PTPRG: variants seen among roughly 807,000 people sequenced by gnomAD.
PTPRG encodes the protein receptor-type tyrosine-protein phosphatase gamma.
In PTPRG, 102 loss-of-function variants were observed where a neutral mutation model predicts 165.3. That is an observed-to-expected ratio of 0.62 (90% CI 0.53 to 0.73). The LOEUF (loss-of-function observed/expected upper bound fraction) is 0.73, where lower values mean the gene tolerates loss of function less well. Ranked by LOEUF, PTPRG falls within the 30% of genes least tolerant of loss-of-function variation. The probability of loss-of-function intolerance (pLI) is 0.00; values close to 1 mark genes in which losing one functional copy is unlikely to be tolerated. For synonymous variants in PTPRG, 675 were observed against 669.5 expected (o/e 1.01, Z -0.13); for missense variants, 1,866 against 1,861.4 (o/e 1.00, Z -0.05).
intron 5 of PTPRG, among the ~76,000 whole-genome samples, chr3:62,118,916 T>C (rs1702960140): frequency 6.6e-6 from 1 of 152,236 alleles, no homozygotes; most frequent in African/African-American, 2.4e-5. Flanking sequence ...TAAAGTCTTC[T>C]TTTAGCTTCA....
chr3:62,020,311 A>T (rs948255290), intron 4 of PTPRG, among the ~76,000 whole-genome samples: 6 of 152,126 alleles, frequency 3.9e-5, no homozygotes, highest in Non-Finnish European at 7.4e-5. Flanking sequence ...AACACACTTT[A>T]CTTTAAATTC....
At chr3:61,680,281 G>A (rs552534425) in intron 1 of PTPRG, among the ~76,000 whole-genome samples, 2 of 152,100 alleles carry the variant, frequency 1.3e-5, no homozygotes, top group African/African-American at 2.4e-5. Flanking sequence ...GATGGCTGGC[G>A]GTAAGGAAAG....
At chr3:61,974,593 CTG>C (rs756783946) in intron 2 of PTPRG, among the ~76,000 whole-genome samples, 2 of 152,222 alleles carry the variant, frequency 1.3e-5, no homozygotes, top group East Asian at 1.9e-4. Context: ...TTATGGAACA[CTG>C]TGCCTTTTCG....
chr3:61,941,845 AT>A (rs532873967), intron 2 of PTPRG, among the ~76,000 whole-genome samples: 72 of 148,654 alleles, frequency 4.8e-4, no homozygotes, highest in East Asian at 9.9e-4. Flanking sequence ...GTAAGAATAG[AT>A]TTTTTTTTTT....
chr3:62,192,941 T>C (rs1207478721), intron 9 of PTPRG, among the ~76,000 whole-genome samples: 1 of 152,228 alleles, frequency 6.6e-6, no homozygotes, highest in African/African-American at 2.4e-5. Flanking sequence ...AATAATACTT[T>C]TCATATTTCT....
At chr3:61,962,401 G>C (rs2040173977) in intron 2 of PTPRG, among the ~76,000 whole-genome samples, 1 of 152,164 alleles carries the variant, frequency 6.6e-6, no homozygotes, top group Non-Finnish European at 1.5e-5. Flanking sequence ...TGGCTTGAGG[G>C]AACATGTTTA....
chr3:61,857,160 A>G (rs6787399), intron 2 of PTPRG, among the ~76,000 whole-genome samples: 17,588 of 151,942 alleles, frequency 0.12, 1,692 homozygotes, highest in African/African-American at 0.26. Flanking sequence ...GAGGTAACCA[A>G]TGCCTCATCA....
chr3:62,270,294 C>T (rs1702018352), intron 20 of PTPRG, among the ~76,000 whole-genome samples: 1 of 152,006 alleles, frequency 6.6e-6, no homozygotes, highest in Non-Finnish European at 1.5e-5. Flanking sequence ...TGTAAAATTT[C>T]AGTGGCTCCA....
At chr3:62,072,872 G>C (rs1004067787) in intron 4 of PTPRG, among the ~76,000 whole-genome samples, 1 of 152,024 alleles carries the variant, frequency 6.6e-6, no homozygotes, top group Non-Finnish European at 1.5e-5. Flanking sequence ...CTAAGTCTTC[G>C]AATAACCTTT....
At position 62,277,580 on chromosome 3, in the gene PTPRG, A is replaced by G. The variant is rs1482316642; in HGVS notation, c.3666A>G (p.Ile1222Met). 2 of 1,611,992 alleles carry G rather than the reference A, an allele frequency of 1.2e-6. No homozygotes were observed. Among genetic ancestry groups the G allele is most frequent in the Admixed American group, 3.3e-5 (2 of 59,886 alleles). ...ATTATAGGAGCAATGAATTTATTAT[A>G]ACTCAGCATCCTCTGCCACATACTA... ...MGYYRSNEFI[I>M]TQHPLPHTTK... The change falls in exon 26 of 30, where the codon ATA (isoleucine) becomes ATG (methionine). Residue 1222 changes from isoleucine (I) to methionine (M), a missense_variant. This residue lies in a region of PTPRG where 1,452 missense variants were observed against 1,463.0 expected (regional missense o/e 0.99). Coordinates refer to ENST00000474889, the MANE Select transcript of PTPRG (RefSeq NM_002841.4).
intron 2 of PTPRG, among the ~76,000 whole-genome samples, chr3:61,784,846 G>A (rs1310513702): frequency 6.6e-6 from 1 of 152,118 alleles, no homozygotes; most frequent in Non-Finnish European, 1.5e-5. Context: ...CTCTCCGTCT[G>A]TAATTTCTGT....
At chr3:62,178,247 A>G (rs943773864) in intron 8 of PTPRG, among the ~76,000 whole-genome samples, 1 of 152,078 alleles carries the variant, frequency 6.6e-6, no homozygotes, top group Non-Finnish European at 1.5e-5. Flanking sequence ...GCATGGATCC[A>G]TGGATGTATG....
In PTPRG at chr3:62,267,480, A is replaced by G. The variant is rs1559731552; in HGVS notation, c.2727A>G (p.Ala909=). ...KDSKHSDYIN[A]NYVDGYNKAK... ...CTAAGCACAGCGACTACATTAATGC[A>G]AACTATGTTGATGTAAGTCAGAACT... Residue 909 remains alanine (A), a synonymous_variant, in exon 18 of 30, where the codon GCA becomes GCG. Transcript: ENST00000474889. 6.2e-7 allele frequency: 1 copy of G among 1,610,192 alleles called. No homozygotes were observed. The highest frequency in any genetic ancestry group is 1.7e-5 in the Admixed American group (1 of 59,860).
chr3:62,203,383 C>G lies in PTPRG; in HGVS notation c.1588C>G (p.Pro530Ala). The stretch of plus-strand genomic sequence containing the variant: ...CGGCGGTGGTGGCATCTCCTCTTTC[C>G]CCAGCACTGTGTGGCCCACGCGCCT... Reference protein sequence around the residue: ...GFGGGGISSFPSTVWPTRLPT... With the variant: ...GFGGGGISSFASTVWPTRLPT... The change falls in exon 12 of 30, where the codon CCC becomes GCC. Residue 530 changes from proline (P) to alanine (A), a missense_variant. By Grantham distance (27) the Pro-to-Ala change is conservative. This residue lies in a region of PTPRG where 1,452 missense variants were observed against 1,463.0 expected (regional missense o/e 0.99). Coordinates refer to ENST00000474889, the MANE Select transcript of PTPRG (RefSeq NM_002841.4). This position sits in a 1 kb window ranked among gnomAD's most constrained non-coding sequence, Gnocchi z 6.4. 5 of 1,613,550 alleles carry G rather than the reference C, an allele frequency of 3.1e-6. No individual in the cohort carries two copies. Among genetic ancestry groups the G allele is most frequent in the South Asian group, 1.1e-5 (1 of 91,026 alleles).
intron 1 of PTPRG, among the ~76,000 whole-genome samples, chr3:61,601,042 G>A (rs1261949705): frequency 6.6e-6 from 1 of 152,166 alleles, no homozygotes; most frequent in African/African-American, 2.4e-5. Flanking sequence ...ATCACTTGAG[G>A]TCGGGAGTTC....
At chr3:62,139,666 T>C (rs893451847) in intron 6 of PTPRG, among the ~76,000 whole-genome samples, 1 of 152,194 alleles carries the variant, frequency 6.6e-6, no homozygotes, top group Non-Finnish European at 1.5e-5. Context: ...GCTTTTCTTG[T>C]CGAAACACGG....
intron 2 of PTPRG, among the ~76,000 whole-genome samples, chr3:61,759,045 G>A (rs923652375): frequency 1.3e-5 from 2 of 152,106 alleles, no homozygotes; most frequent in African/African-American, 4.8e-5. Flanking sequence ...GTGTAAAGTG[G>A]TGGTGTTAGT....
intron 29 of PTPRG, 45 bp from the exon 30 acceptor site, chr3:62,293,116 A>C: frequency 6.8e-7 from 1 of 1,471,004 alleles, no homozygotes; most frequent in Non-Finnish European, 9.1e-7. Context: ...ATGTGAAATC[A>C]CTAAACTGTT....
intron 23 of PTPRG, among the ~76,000 whole-genome samples, chr3:62,274,346 T>A (rs1294446777): frequency 6.6e-6 from 1 of 152,134 alleles, no homozygotes; most frequent in Non-Finnish European, 1.5e-5. Context: ...GATAGGGACA[T>A]GAAGAAGCTT....
Sources: gnomAD v4.1 joint callset for allele counts (sites outside exome capture counted in the v4.1 genomes callset) on GRCh38, gnomAD v4.1.1 for gene constraint, gnomAD v4.1.1 regional missense constraint, Gnocchi (gnomAD v3.1) non-coding constraint, MANE v1.5 for transcripts, NCBI Gene and HGNC (gene_info 2026-07-23, HGNC 2026-07-21) for gene names.